Variants in WDR41 observed in about 807,000 individuals in gnomAD.
WDR41 encodes WD repeat-containing protein 41.
WDR41 carries 63 observed loss-of-function variants against 69.3 expected under a neutral mutation model. That is an observed-to-expected ratio of 0.91 (90% CI 0.74 to 1.12). The LOEUF is 1.12. Ranked by LOEUF, WDR41 falls within the 50% of genes most tolerant of loss-of-function variation. The probability of loss-of-function intolerance (pLI) is 0.00; values close to 1 mark genes in which losing one functional copy is unlikely to be tolerated. For synonymous variants in WDR41, 185 were observed against 192.1 expected, an observed-to-expected ratio of 0.96 and a Z score of 0.31; for missense variants, 543 against 534.5, an observed-to-expected ratio of 1.02 and a Z score of -0.16.
chr5:77,545,917 C>T, intron 1 of WDR41: 1 of 513,888 alleles, frequency 1.9e-6, no homozygotes, highest in Non-Finnish European at 3.4e-6. Context: ...ATTGGAAAGC[C>T]CCATGCCATC....
At chr5:77,573,075 A>G (rs1171247833) in intron 1 of WDR41, among the ~76,000 whole-genome samples, 4 of 152,142 alleles carry the variant, frequency 2.6e-5, no homozygotes, top group African/African-American at 9.7e-5. Context: ...CAATTCAGAC[A>G]TGTCACTACC....
chr5:77,526,330 T>C (rs1802446797), intron 1 of WDR41, among the ~76,000 whole-genome samples: 1 of 152,064 alleles, frequency 6.6e-6, no homozygotes, highest in Non-Finnish European at 1.5e-5. Flanking sequence ...TTTACTACAA[T>C]GTGGTCACAG....
At chr5:77,568,110 G>C (rs1454097111) in intron 1 of WDR41, among the ~76,000 whole-genome samples, 1 of 152,050 alleles carries the variant, frequency 6.6e-6, no homozygotes, top group Admixed American at 6.6e-5. Context: ...TGATGAAAGT[G>C]TTTGCTTCCA....
intron 1 of WDR41, among the ~76,000 whole-genome samples, chr5:77,513,478 C>A (rs1368187205): frequency 6.6e-6 from 1 of 152,106 alleles, no homozygotes; most frequent in Non-Finnish European, 1.5e-5. Context: ...ACAGATCCTG[C>A]CTTTTTTTCC....
intron 12 of WDR41, among the ~76,000 whole-genome samples, chr5:77,434,361 A>T (rs183345301): frequency 7.9e-4 from 120 of 152,196 alleles, no homozygotes; most frequent in African/African-American, 2.7e-3. Flanking sequence ...ATTTCTGAAG[A>T]CCACAGGATA....
chr5:77,511,694 G>A (rs1426200292), intron 1 of WDR41, among the ~76,000 whole-genome samples: 1 of 152,028 alleles, frequency 6.6e-6, no homozygotes, highest in South Asian at 2.1e-4. Context: ...GTAAAGGTCA[G>A]CCTAGGTTAG....
At chr5:77,486,439 C>T (rs916142350) in intron 2 of WDR41, among the ~76,000 whole-genome samples, 2 of 152,192 alleles carry the variant, frequency 1.3e-5, no homozygotes, top group African/African-American at 4.8e-5. Context: ...CCAATATTGC[C>T]ACCACCATTA....
At chr5:77,483,135 G>C (rs1801356286) in intron 2 of WDR41, among the ~76,000 whole-genome samples, 1 of 151,968 alleles carries the variant, frequency 6.6e-6, no homozygotes, top group Admixed American at 6.6e-5. Flanking sequence ...TATATAAGCT[G>C]AAGTTTTATT....
chr5:77,583,309 G>A (rs1580027126), intron 1 of WDR41, among the ~76,000 whole-genome samples: 1 of 151,446 alleles, frequency 6.6e-6, no homozygotes, highest in East Asian at 2.0e-4. Context: ...GAGCTCAGGA[G>A]TTCAAGACCA....
intron 1 of WDR41, among the ~76,000 whole-genome samples, chr5:77,500,563 A>C (rs936949934): frequency 3.9e-5 from 6 of 152,246 alleles, no homozygotes; most frequent in African/African-American, 1.4e-4. Context: ...CCTACACACA[A>C]AAATTTAACA....
At chr5:77,434,325 A>G (rs1798854351) in intron 12 of WDR41, among the ~76,000 whole-genome samples, 2 of 152,138 alleles carry the variant, frequency 1.3e-5, no homozygotes, top group Admixed American at 1.3e-4. Flanking sequence ...AAAAAAAACA[A>G]GAGTTTTCTC....
In WDR41 at chr5:77,453,858, T is replaced by A; in HGVS notation, c.482A>T (p.Lys161Ile). ...GCTAGTCTTACACAGGAGATCTAATTTTCGGTTCCACACACACAGGTCATT... is the reference window on the plus strand; with the variant it reads ...GCTAGTCTTACACAGGAGATCTAATATTCGGTTCCACACACACAGGTCATT... ...GGNDLCVWNR[K>I]LDLLCKTSHL... The change falls in exon 6 of 13, where the codon AAA becomes ATA. Residue 161 changes from lysine (K) to isoleucine (I), a missense_variant. Lys to Ile is a moderately radical substitution (Grantham distance 102). Transcript: ENST00000296679. 1 of 1,614,092 alleles carries A rather than the reference T, an allele frequency of 6.2e-7. No individual in the cohort carries two copies. Among genetic ancestry groups the A allele is most frequent in the South Asian group, 1.1e-5 (1 of 91,080 alleles).
intron 1 of WDR41, among the ~76,000 whole-genome samples, chr5:77,542,320 G>A (rs1743104953): frequency 1.3e-5 from 2 of 152,146 alleles, no homozygotes; most frequent in Non-Finnish European, 2.9e-5. Flanking sequence ...AATAGCTAAT[G>A]GGTGCTGGGC....
At chr5:77,582,438 G>A in intron 1 of WDR41, 2 of 1,607,012 alleles carry the variant, frequency 1.2e-6, no homozygotes, top group Admixed American at 1.7e-5. Context: ...TTAAGAAAAA[G>A]CGAAGGAATT....
chr5:77,582,513 G>A, intron 1 of WDR41: 10 of 1,599,428 alleles, frequency 6.3e-6, no homozygotes, highest in Non-Finnish European at 8.5e-6. Flanking sequence ...GAAAGGCAAG[G>A]AGGAAGCTTA....
At chr5:77,443,664 A>T (rs1799261572) in intron 8 of WDR41, among the ~76,000 whole-genome samples, 1 of 152,090 alleles carries the variant, frequency 6.6e-6, no homozygotes, top group Non-Finnish European at 1.5e-5. Context: ...AAACTACAAA[A>T]GAACCAGAGA....
intron 1 of WDR41, among the ~76,000 whole-genome samples, chr5:77,527,668 A>C (rs781411137): frequency 5.9e-5 from 9 of 151,888 alleles, no homozygotes; most frequent in Non-Finnish European, 1.3e-4. Flanking sequence ...TAAAAATTTC[A>C]TTTTCAAAAA....
At chr5:77,596,290 G>T (rs1744226818) in intron 1 of WDR41, among the ~76,000 whole-genome samples, 1 of 152,080 alleles carries the variant, frequency 6.6e-6, no homozygotes, top group East Asian at 1.9e-4. Context: ...TGAGACTACA[G>T]GTGTGCACCA....
At chr5:77,479,892 C>CA (rs1400959995) in intron 2 of WDR41, among the ~76,000 whole-genome samples, 1 of 151,474 alleles carries the variant, frequency 6.6e-6, no homozygotes, top group African/African-American at 2.4e-5. Flanking sequence ...AGGCAACCTA[C>CA]AAAATGGGAG....
Sources: allele counts gnomAD v4.1 joint callset (sites outside exome capture counted in the v4.1 genomes callset), GRCh38; gene constraint gnomAD v4.1.1; transcripts MANE v1.5; gene names NCBI Gene and HGNC (gene_info 2026-07-23, HGNC 2026-07-21).